GGCX: variants seen among roughly 807,000 people sequenced by gnomAD.
The protein encoded by GGCX is gamma-glutamyl carboxylase, also known as vitamin K-dependent gamma-carboxylase.
A neutral mutation model predicts 88.5 loss-of-function variants in GGCX; 63 were observed. The observed-to-expected ratio is 0.71, with a 90% confidence interval of 0.58 to 0.88. GGCX has a LOEUF of 0.88. Among genes scored for constraint, GGCX ranks in the 40% least tolerant of loss-of-function variants. GGCX has a pLI of 0.00. For missense variants in GGCX, 805 were observed against 932.9 expected, an observed-to-expected ratio of 0.86 and a Z score of 1.79; for synonymous variants, 368 against 365.8, an observed-to-expected ratio of 1.01 and a Z score of -0.07.
At position 85,552,559 on chromosome 2, in the gene GGCX, T is replaced by G. The variant is rs761671336; in HGVS notation, c.1296A>C (p.Thr432=). 1.2e-6 allele frequency: 2 copies of G among 1,613,446 alleles called. No homozygotes were observed. ...ELGYLNPGVF[T]QSRRWKDHAD... Reference sequence around the variant, plus strand: ...CATGATCCTTCCATCGCCGACTCTGTGTAAATACCTGCCCCAAACCCCCAT... The same window carrying G: ...CATGATCCTTCCATCGCCGACTCTGGGTAAATACCTGCCCCAAACCCCCAT... Residue 432 remains threonine (T), a synonymous_variant, in exon 10 of 15, where the codon ACA becomes ACC. Coordinates refer to ENST00000233838, the MANE Select transcript of GGCX (RefSeq NM_000821.7).
chr2:85,551,459 T>C (rs751073943), intron 12 of GGCX, 21 bp downstream of exon 12: 30 of 1,612,414 alleles, frequency 1.9e-5, no homozygotes, highest in Non-Finnish European at 2.5e-5. Context: ...CTTTCTGCTG[T>C]TGTTAATCCC....
rs1395632819 is a variant in GGCX at position 85,549,472 on chromosome 2, A to AT, written c.*461dup. 5.8e-6 allele frequency: 1 copy of AT among 173,810 alleles called. No homozygotes were observed. The highest frequency in any genetic ancestry group is 1.2e-5 in the Non-Finnish European group (1 of 81,032). The allele number at this position is 173,810 out of a possible 1,614,324, so 10.8% of individuals were successfully genotyped here. ...CACCTCCTGGGCCCAAGCGATTCTC[A>AT]TGCCTCAGCCTCCTGGGTAGTTGGA... On this transcript the variant is annotated 3_prime_UTR_variant, in exon 15 of 15. Transcript: ENST00000233838.
intron 13 of GGCX, 86 bp from the exon 14 acceptor site, chr2:85,550,836 A>C: frequency 1.9e-6 from 3 of 1,585,206 alleles, no homozygotes; most frequent in Non-Finnish European, 8.7e-7. Context: ...TAGAGACTTC[A>C]AGTTCATTCT....
Position 85,546,259 on chromosome 2 carries a change from CCT to C in GGCX, c.*3673_*3674del, listed in dbSNP as rs1691658265. 6.6e-6 allele frequency: 1 copy of C among 152,232 alleles called. No individual in the cohort carries two copies. Among genetic ancestry groups the C allele is most frequent in the African/African-American group, 2.4e-5 (1 of 41,424 alleles). The allele number at this position is 152,232 out of a possible 1,614,324, so 9.4% of individuals were successfully genotyped here. Reference sequence around the variant, plus strand: ...ACCATCCTGGCTAACACAGTGAAACCCTGTCTCTACTAAAAATATAAAAAAGT... The same window carrying C: ...ACCATCCTGGCTAACACAGTGAAACCGTCTCTACTAAAAATATAAAAAAGT... On this transcript the variant is annotated 3_prime_UTR_variant, in exon 15 of 15. Coordinates refer to ENST00000233838, the MANE Select transcript of GGCX (RefSeq NM_000821.7).
rs539422158 is a variant in GGCX, at chr2:85,548,712, G to C, written c.*1222C>G. 1 of 152,220 alleles carries C rather than the reference G, an allele frequency of 6.6e-6. No individual in the cohort carries two copies. Among genetic ancestry groups the C allele is most frequent in the African/African-American group, 2.4e-5 (1 of 41,528 alleles). The allele number at this position is 152,220 out of a possible 1,614,324, so 9.4% of individuals were successfully genotyped here. A position where few individuals can be genotyped will look rare whatever the true frequency, so the allele number is the denominator to read the frequency against. On this transcript the variant is annotated 3_prime_UTR_variant, in exon 15 of 15. Coordinates refer to ENST00000233838, the MANE Select transcript of GGCX (RefSeq NM_000821.7). The stretch of plus-strand genomic sequence containing the variant: ...TCCTTTTTCATAACCCTGCATTCTC[G>C]CTTCCTAGCTCAGTGCCAACCCTTT...
chr2:85,550,595 A>C lies in GGCX; in HGVS notation c.2044T>G (p.Phe682Val). 1 of 1,614,094 alleles carries C rather than the reference A, an allele frequency of 6.2e-7. No homozygotes were observed. Among genetic ancestry groups the C allele is most frequent in the Non-Finnish European group, 8.5e-7 (1 of 1,179,902 alleles). Reference sequence around the variant, plus strand: ...TAGAGCTTTCGCAACAAGAAGCGGAAGAATCGCTCATGGAAAGGAGTATTT... The same window carrying C: ...TAGAGCTTTCGCAACAAGAAGCGGACGAATCGCTCATGGAAAGGAGTATTT... Reference protein sequence around the residue: ...RRNTPFHERFFRFLLRKLYVF... With the variant: ...RRNTPFHERFVRFLLRKLYVF... Residue 682 changes from phenylalanine to valine, a missense_variant, in exon 14 of 15, where the codon TTC becomes GTC. Physicochemically the swap from Phe to Val is conservative, Grantham distance 50 (BLOSUM62 -1). Coordinates refer to ENST00000233838, the MANE Select transcript of GGCX (RefSeq NM_000821.7).
chr2:85,560,783 C>A (rs765243266), intron 2 of GGCX, 32 bp downstream of exon 2: 12 of 1,577,126 alleles, frequency 7.6e-6, no homozygotes, highest in South Asian at 2.2e-5. Context: ...CCACTCTCAA[C>A]CAAATTGCTC....
chr2:85,550,537 ATAT>A lies in GGCX; in HGVS notation c.2084+15_2084+17del. 5.0e-6 allele frequency: 8 copies of A among 1,593,878 alleles called. 1 individual carries two copies. The highest frequency in any genetic ancestry group is 1.7e-4 in the Middle Eastern group (1 of 6,020). ...TGCCAACATATGATGGCAATGACAA[ATAT>A]TGTTGTGAACTTACCTGCGGCGAAA... On this transcript the variant is annotated intron_variant, in intron 14 of 14. Coordinates refer to ENST00000233838, the MANE Select transcript of GGCX (RefSeq NM_000821.7).
At chr2:85,555,175 C>T (rs758177998) in intron 6 of GGCX, 1 of 328,788 alleles carries the variant, frequency 3.0e-6, no homozygotes. Flanking sequence ...GGCAAGGACA[C>T]AGGCACCATC....
chr2:85,557,098 T>G (rs1692233074), intron 4 of GGCX, among the ~76,000 whole-genome samples: 1 of 152,174 alleles, frequency 6.6e-6, no homozygotes, highest in African/African-American at 2.4e-5. Flanking sequence ...ACCACTGCAT[T>G]CTGGCCTCAG....
chr2:85,554,639 A>T lies in GGCX; in HGVS notation c.726-333T>A, dbSNP rs78940390. 128 of 370,792 alleles carry T rather than the reference A, an allele frequency of 3.5e-4. No individual in the cohort carries two copies. In the Middle Eastern group the frequency reaches 3.6e-3, roughly 10 times the overall value. The allele number at this position is 370,792 out of a possible 1,614,324, so 23.0% of individuals were successfully genotyped here. A position where few individuals can be genotyped will look rare whatever the true frequency, so the allele number is the denominator to read the frequency against. On this transcript the variant is annotated intron_variant, in intron 6 of 14. Coordinates refer to ENST00000233838, the MANE Select transcript of GGCX (RefSeq NM_000821.7). Reference sequence around the variant, plus strand: ...TGCCACCACGCCTAGCTGTTTTTTTAAAAAATTTTTTTGTAGAGACAGTGT... The same window carrying T: ...TGCCACCACGCCTAGCTGTTTTTTTTAAAAATTTTTTTGTAGAGACAGTGT...
rs1401785777 is a variant in GGCX at position 85,553,058 on chromosome 2, AGTT to A, written c.1165_1167del (p.Asn389del). The A allele has an allele frequency of 6.2e-7, 1 of 1,614,184 alleles. No homozygotes were observed. Among genetic ancestry groups the A allele is most frequent in the African/African-American group, 1.3e-5 (1 of 75,060 alleles). ...GAATAGCCATACAGCCCATTTGTCC[AGTT>A]GTTATAGCCCTGGGAAGGCAGCACA... On this transcript the variant is annotated inframe_deletion, in exon 9 of 15. Transcript: ENST00000233838.
chr2:85,554,138 C>T lies in GGCX; in HGVS notation c.889+5G>A, dbSNP rs756399897. The T allele has an allele frequency of 2.5e-6, 4 of 1,609,348 alleles. No homozygotes were observed. In the South Asian group the frequency reaches 4.4e-5, roughly 18 times the overall value. On this transcript the variant is annotated splice_donor_5th_base_variant and intron_variant, in intron 7 of 14. Coordinates refer to ENST00000233838, the MANE Select transcript of GGCX (RefSeq NM_000821.7). ...CCTGTTTCCTCCCAGGCTACAGGTA[C>T]TGACCAATGCTGAAAAGCTGGGAAT...
chr2:85,546,880 A>G lies in GGCX; in HGVS notation c.*3054T>C, dbSNP rs909541735. 2 of 152,260 alleles carry G rather than the reference A, an allele frequency of 1.3e-5. No individual in the cohort carries two copies. Among genetic ancestry groups the G allele is most frequent in the African/African-American group, 4.8e-5 (2 of 41,462 alleles). The allele number at this position is 152,260 out of a possible 1,614,324, so 9.4% of individuals were successfully genotyped here. A position where few individuals can be genotyped will look rare whatever the true frequency, so the allele number is the denominator to read the frequency against. Reference sequence around the variant, plus strand: ...AGATGCCAATACATTGCAGATAACCATATTGGCTACATTAGGGGAATGAGC... The same window carrying G: ...AGATGCCAATACATTGCAGATAACCGTATTGGCTACATTAGGGGAATGAGC... On this transcript the variant is annotated 3_prime_UTR_variant, in exon 15 of 15. Transcript: ENST00000233838.
Position 85,547,550 on chromosome 2 carries a change from C to T in GGCX, c.*2384G>A, listed in dbSNP as rs1463277720. 1 of 152,206 alleles carries T rather than the reference C, an allele frequency of 6.6e-6. No homozygotes were observed. Among genetic ancestry groups the T allele is most frequent in the African/African-American group, 2.4e-5 (1 of 41,446 alleles). 9.4% of individuals were successfully genotyped at this position (152,206 alleles called of 1,614,324 possible). On this transcript the variant is annotated 3_prime_UTR_variant, in exon 15 of 15. Transcript: ENST00000233838. The stretch of plus-strand genomic sequence containing the variant: ...AAATACTTTTTCAAGTGTCTTCTCC[C>T]AAGTAACTCTTGGGACTTTTGTTAC...
chr2:85,559,021 C>T lies in GGCX; in HGVS notation c.269G>A (p.Arg90Gln), dbSNP rs753656195. ...CACATCCAGCCCATCAAGGTATTTC[C>T]GGTCCAGAGAGCTGAGCCCCCGCTC... ...PQERGLSSLDRKYLDGLDVCR... is the reference protein window; with the variant it reads ...PQERGLSSLDQKYLDGLDVCR... Residue 90 changes from arginine (R) to glutamine (Q), a missense_variant, in exon 3 of 15, where the codon CGG becomes CAG. Coordinates refer to ENST00000233838, the MANE Select transcript of GGCX (RefSeq NM_000821.7). 9.3e-6 allele frequency: 15 copies of T among 1,613,974 alleles called. No homozygotes were observed. The highest frequency in any genetic ancestry group is 4.5e-5 in the East Asian group (2 of 44,876).
chr2:85,558,569 A>C lies in GGCX; in HGVS notation c.410T>G (p.Ile137Arg), dbSNP rs762705759. ...LGMMLGLCYR[I>R]SCVLFLLPYW... ...TGGCAGCAGGAATAACACACAGCTT[A>C]TCCGGTAGCACAGGCCCAGCATCAT... The change falls in exon 4 of 15, where the codon ATA (isoleucine) becomes AGA (arginine). Residue 137 changes from isoleucine to arginine, a missense_variant. This residue lies in a region of GGCX where 680 missense variants were observed against 763.7 expected (regional missense o/e 0.89). Transcript: ENST00000233838. 1 of 1,613,796 alleles carries C rather than the reference A, an allele frequency of 6.2e-7. No homozygotes were observed. The highest frequency in any genetic ancestry group is 1.7e-5 in the Admixed American group (1 of 60,020).
Position 85,547,224 on chromosome 2 carries a change from G to A in GGCX, c.*2710C>T, listed in dbSNP as rs182766026. ...AGGTTGAACATTCTGTATATAACCT[G>A]CCTTTCTAAAGTTTCAAAGGGGATG... On this transcript the variant is annotated 3_prime_UTR_variant, in exon 15 of 15. Coordinates refer to ENST00000233838, the MANE Select transcript of GGCX (RefSeq NM_000821.7). The A allele has an allele frequency of 5.3e-5, 8 of 152,306 alleles. No homozygotes were observed. The highest frequency in any genetic ancestry group is 1.3e-4 in the Admixed American group (2 of 15,292). The allele number at this position is 152,306 out of a possible 1,614,324, so 9.4% of individuals were successfully genotyped here.
In GGCX at chr2:85,547,858, A is replaced by C. The variant is rs1691753651; in HGVS notation, c.*2076T>G. On this transcript the variant is annotated 3_prime_UTR_variant, in exon 15 of 15. Coordinates refer to ENST00000233838, the MANE Select transcript of GGCX (RefSeq NM_000821.7). Reference sequence around the variant, plus strand: ...GTCGGCCCTGTCCTGGTCTATCCCTAACTAGATGCTAATACAAAGGTTGAA... The same window carrying C: ...GTCGGCCCTGTCCTGGTCTATCCCTCACTAGATGCTAATACAAAGGTTGAA... The C allele has an allele frequency of 1.3e-5, 2 of 152,158 alleles. No homozygotes were observed. The highest frequency in any genetic ancestry group is 6.5e-5 in the Admixed American group (1 of 15,270). The allele number at this position is 152,158 out of a possible 1,614,324, so 9.4% of individuals were successfully genotyped here.
Sources: gnomAD v4.1 joint callset for allele counts (sites outside exome capture counted in the v4.1 genomes callset) on GRCh38, gnomAD v4.1.1 for gene constraint, gnomAD v4.1.1 regional missense constraint, MANE v1.5 for transcripts, NCBI Gene and HGNC (gene_info 2026-07-23, HGNC 2026-07-21) for gene names.